The following DDX25 variants were observed in gnomAD, a reference collection of about 807,000 sequenced individuals.
The protein encoded by DDX25 is DEAD-box helicase 25, also known as ATP-dependent RNA helicase DDX25.
Under a neutral mutation model 64.6 loss-of-function variants are expected in DDX25, and 70 were observed. That is an observed-to-expected ratio of 1.08 (90% confidence interval 0.89 to 1.32). The LOEUF (loss-of-function observed/expected upper bound fraction) is 1.32. Ranked by LOEUF, DDX25 falls within the 40% of genes most tolerant of loss-of-function variation. The pLI, the probability that DDX25 is intolerant of heterozygous loss-of-function variation, is 0.00. For missense variants in DDX25, 587 were observed against 604.4 expected (o/e 0.97, Z 0.30); for synonymous variants, 211 against 213.3 (o/e 0.99, Z 0.09).
intron 8 of DDX25, among the ~76,000 whole-genome samples, chr11:125,913,521 A>G (rs902593643): frequency 1.3e-5 from 2 of 152,196 alleles, no homozygotes; most frequent in Non-Finnish European, 1.5e-5. Context: ...GAAAACAGAA[A>G]AGTTTTTAAA....
intron 8 of DDX25, among the ~76,000 whole-genome samples, chr11:125,912,017 TAA>T (rs1944974877): frequency 6.6e-6 from 1 of 152,242 alleles, no homozygotes. Context: ...AGAGTTTCTG[TAA>T]GTGGGATTTA....
In DDX25 at chr11:125,924,067, C is replaced by A. The variant is rs1565469967; in HGVS notation, c.*1186C>A. 1.3e-5 allele frequency: 2 copies of A among 152,200 alleles called. No individual in the cohort carries two copies. The highest frequency in any genetic ancestry group is 4.8e-5 in the African/African-American group (2 of 41,418). 9.4% of individuals were successfully genotyped at this position (152,200 alleles called of 1,614,324 possible). A position where few individuals can be genotyped will look rare whatever the true frequency, so the allele number is the denominator to read the frequency against. The stretch of plus-strand genomic sequence containing the variant: ...CGGATCACGAGGTCAGGAGTTAAGA[C>A]CAGCCTTACCAACATGGTGAAACCC... On this transcript the variant is annotated 3_prime_UTR_variant, in exon 12 of 12. Transcript: ENST00000263576.
At chr11:125,910,579 G>GACCACC in intron 7 of DDX25, 101 bp downstream of exon 7, 1 of 966,070 alleles carries the variant, frequency 1.0e-6, no homozygotes. Flanking sequence ...TCTAAATGGG[G>GACCACC]GAAATAATAC....
At chr11:125,909,260 A>T (rs1315301898) in intron 6 of DDX25, among the ~76,000 whole-genome samples, 4 of 152,216 alleles carry the variant, frequency 2.6e-5, no homozygotes, top group Non-Finnish European at 4.4e-5. Context: ...AGCTATAGGT[A>T]AGGCATAGGA....
At chr11:125,920,203 G>A (rs568027450) in intron 10 of DDX25, among the ~76,000 whole-genome samples, 1 of 152,204 alleles carries the variant, frequency 6.6e-6, no homozygotes, top group East Asian at 1.9e-4. Flanking sequence ...TTGGGAGGCC[G>A]AGGCGGGTGG....
intron 4 of DDX25, 86 bp from the exon 5 acceptor site, chr11:125,908,110 A>T: frequency 9.1e-7 from 1 of 1,103,742 alleles, no homozygotes; most frequent in Non-Finnish European, 1.3e-6. Context: ...AAAGTGACTT[A>T]ATTTAGAAAT....
At chr11:125,910,915 C>CTT (rs34647627) in intron 7 of DDX25, among the ~76,000 whole-genome samples, 1 of 141,806 alleles carries the variant, frequency 7.1e-6, no homozygotes. Context: ...TTGTGTTTTG[C>CTT]TTTTTTTTTT....
Position 125,904,533 on chromosome 11 carries a change from TG to T in DDX25, c.20del (p.Gly7GlufsTer12). 1 of 1,495,018 alleles carries T rather than the reference TG, an allele frequency of 6.7e-7. No homozygotes were observed. The allele number at this position is 1,495,018 out of a possible 1,614,324, so 92.6% of individuals were successfully genotyped here. Reference sequence around the variant, plus strand: ...AATCGCAGCCATGGCGTCGTTACTGTGGGGAGGCGACGCAGGGGCGGCGGAG... The same window carrying T: ...AATCGCAGCCATGGCGTCGTTACTGTGGGAGGCGACGCAGGGGCGGCGGAG... MASLL[W>X]GGDAGAAESE... On this transcript the variant is annotated frameshift_variant, in exon 1 of 12. Transcript: ENST00000263576. LOFTEE classifies it high-confidence loss of function.
chr11:125,924,986 T>C lies in DDX25; in HGVS notation c.*2105T>C, dbSNP rs1392198230. The C allele has an allele frequency of 1.8e-5, 3 of 167,142 alleles. No individual in the cohort carries two copies. Among genetic ancestry groups the C allele is most frequent in the East Asian group, 3.4e-4 (2 of 5,932 alleles). The allele number at this position is 167,142 out of a possible 1,614,324, so 10.4% of individuals were successfully genotyped here. A position where few individuals can be genotyped will look rare whatever the true frequency, so the allele number is the denominator to read the frequency against. Reference sequence around the variant, plus strand: ...CTAAGTGCCCAAGGAACCTTTGTCTTTGTTGAGTAAATTTTTTTTTCTTTT... The same window carrying C: ...CTAAGTGCCCAAGGAACCTTTGTCTCTGTTGAGTAAATTTTTTTTTCTTTT... On this transcript the variant is annotated 3_prime_UTR_variant, in exon 12 of 12. Coordinates refer to ENST00000263576, the MANE Select transcript of DDX25 (RefSeq NM_013264.5).
chr11:125,906,683 G>A (rs961095460), intron 4 of DDX25, among the ~76,000 whole-genome samples: 6 of 151,648 alleles, frequency 4.0e-5, no homozygotes, highest in African/African-American at 7.3e-5. Context: ...AAAAGTAGCC[G>A]GGCATGGTGG....
intron 4 of DDX25, among the ~76,000 whole-genome samples, chr11:125,907,483 C>T (rs1254557387): frequency 2.0e-5 from 3 of 151,998 alleles, no homozygotes; most frequent in Non-Finnish European, 4.4e-5. Context: ...TGGCGGGCGC[C>T]TGTAGTCCTA....
intron 8 of DDX25, among the ~76,000 whole-genome samples, chr11:125,916,327 C>T (rs896726891): frequency 1.7e-4 from 26 of 152,110 alleles, no homozygotes; most frequent in African/African-American, 1.7e-4. Flanking sequence ...GTAACAGCAG[C>T]CCAGATGAAG....
rs1452306594 is a variant in DDX25 at position 125,925,213 on chromosome 11, C to T, written c.*2332C>T. ...AATAAAACTTTACCACTTTCCTTTA[C>T]AGTTCAAATCTCTGGTAAGATCTCC... is the stretch of plus-strand genomic sequence containing the variant. On this transcript the variant is annotated 3_prime_UTR_variant, in exon 12 of 12. Transcript: ENST00000263576. The T allele has an allele frequency of 8.7e-6, 3 of 344,884 alleles. No homozygotes were observed. The Admixed American group carries it at 1.1e-4, about 13-fold the overall frequency. 21.4% of individuals were successfully genotyped at this position (344,884 alleles called of 1,614,324 possible).
In DDX25 at chr11:125,924,365, C is replaced by G. The variant is rs1174186009; in HGVS notation, c.*1484C>G. The G allele has an allele frequency of 1.3e-5, 2 of 152,258 alleles. No individual in the cohort carries two copies. The highest frequency in any genetic ancestry group is 6.5e-5 in the Admixed American group (1 of 15,282). 9.4% of individuals were successfully genotyped at this position (152,258 alleles called of 1,614,324 possible). The stretch of plus-strand genomic sequence containing the variant: ...AAAGGAGGTGAGTGAGATACAACAG[C>G]CATGTTGGAATTCAGAGCCTAATGG... On this transcript the variant is annotated 3_prime_UTR_variant, in exon 12 of 12. Coordinates refer to ENST00000263576, the MANE Select transcript of DDX25 (RefSeq NM_013264.5).
chr11:125,908,863 A>G (rs1409574988), intron 6 of DDX25, among the ~76,000 whole-genome samples: 1 of 152,258 alleles, frequency 6.6e-6, no homozygotes, highest in Non-Finnish European at 1.5e-5. Context: ...GGCTTGTAGA[A>G]ACCACTCATT....
chr11:125,917,254 A>G lies in DDX25; in HGVS notation c.1038+3A>G, dbSNP rs78506115. ...GTCAGGCCATCATCTTCTGCCAGGT[A>G]CACTCTGTGGATGTGTCTTCATCGA... On this transcript the variant is annotated splice_donor_region_variant and intron_variant, in intron 9 of 11. Transcript: ENST00000263576. The G allele has an allele frequency of 1.2e-4, 198 of 1,595,818 alleles. No individual in the cohort carries two copies. Among genetic ancestry groups the G allele is most frequent in the Non-Finnish European group, 1.6e-4 (191 of 1,171,550 alleles).
chr11:125,920,949 CA>C, intron 10 of DDX25: 1 of 491,262 alleles, frequency 2.0e-6, no homozygotes, highest in Non-Finnish European at 3.7e-6. Context: ...CACACACACA[CA>C]CACGCCTTGT....
intron 4 of DDX25, among the ~76,000 whole-genome samples, chr11:125,907,201 C>T (rs1489052658): frequency 6.6e-6 from 1 of 152,178 alleles, no homozygotes; most frequent in African/African-American, 2.4e-5. Flanking sequence ...GGGTAAAAAT[C>T]CAAAATCCTA....
chr11:125,909,843 T>G (rs608109), intron 6 of DDX25, among the ~76,000 whole-genome samples: 101,420 of 151,812 alleles, frequency 0.67, 34,063 homozygotes, highest in Admixed American at 0.73. Context: ...GTAGAGGTGG[T>G]GTTTTGCCAT....
Sources: gnomAD v4.1 joint callset for allele counts (sites outside exome capture counted in the v4.1 genomes callset) on GRCh38, gnomAD v4.1.1 for gene constraint, MANE v1.5 for transcripts, NCBI Gene and HGNC (gene_info 2026-07-23, HGNC 2026-07-21) for gene names.